The following TRIO variants were observed in gnomAD, a reference collection of about 807,000 sequenced individuals.
The protein encoded by TRIO is trio Rho guanine nucleotide exchange factor.
Under a neutral mutation model 351.9 loss-of-function variants are expected in TRIO, and 58 were observed. The observed-to-expected ratio is 0.16, with a 90% confidence interval of 0.13 to 0.21. The LOEUF is 0.21. Among genes scored for constraint, TRIO ranks in the 10% least tolerant of loss-of-function variants. The probability of loss-of-function intolerance (pLI) is 1.00; values close to 1 mark genes in which losing one functional copy is unlikely to be tolerated. For synonymous variants in TRIO, 1,758 were observed against 1,595.7 expected (o/e 1.10, Z -2.42); for missense variants, 3,201 against 4,027.8 (o/e 0.79, Z 5.56).
rs199909638 is a variant in TRIO, at chr5:14,336,700, A to G, written c.2019A>G (p.Ser673=). ...VEQRKILLDM[S]VSFHTHVKEL... is the part of the protein sequence containing the mutation. ...AGCGAAAGATCCTACTGGACATGTC[A>G]GTGTCCTTTCACACCCATGTGAAAG... The change falls in exon 11 of 57, where the codon TCA becomes TCG. Residue 673 remains serine, a synonymous_variant. Coordinates refer to ENST00000344204, the MANE Select transcript of TRIO (RefSeq NM_007118.4). 3 of 1,614,112 alleles carry G rather than the reference A, an allele frequency of 1.9e-6. No individual in the cohort carries two copies. Among genetic ancestry groups the G allele is most frequent in the Admixed American group, 3.3e-5 (2 of 60,014 alleles).
At chr5:14,349,039 C>T (rs1283011061) in intron 11 of TRIO, among the ~76,000 whole-genome samples, 1 of 150,066 alleles carries the variant, frequency 6.7e-6, no homozygotes, top group African/African-American at 2.5e-5. Flanking sequence ...TGTGTACGCA[C>T]GTGAGCATGT....
intron 34 of TRIO, 156 bp downstream of exon 34, chr5:14,420,177 T>A (rs1749999571): frequency 1.8e-6 from 2 of 1,119,046 alleles, no homozygotes; most frequent in Non-Finnish European, 1.3e-6. Context: ...TTCCAGTCCA[T>A]CAGCACCTGA....
rs1736431704 is a variant in TRIO at position 14,286,193 on chromosome 5, CCACATAAAGGCT to C, written c.348-677_348-666del. ...CAGCAGTGTTAAGCCAGCGTTGCTA[CCACATAAAGGCT>C]TAGTACAGTTGTGGAACTAGATTAA... On this transcript the variant is annotated intron_variant, in intron 3 of 56. Coordinates refer to ENST00000344204, the MANE Select transcript of TRIO (RefSeq NM_007118.4). This position sits in a 1 kb window ranked among gnomAD's most constrained non-coding sequence, Gnocchi z 4.4. Among the ~76,000 whole-genome samples the C allele has an allele frequency of 2.0e-5, 3 of 152,004 alleles. No homozygotes were observed. The highest frequency in any genetic ancestry group is 7.3e-5 in the African/African-American group (3 of 41,362).
At chr5:14,323,403 A>G (rs929198003) in intron 9 of TRIO, among the ~76,000 whole-genome samples, 2 of 152,170 alleles carry the variant, frequency 1.3e-5, no homozygotes, top group Non-Finnish European at 2.9e-5. Flanking sequence ...AGCAAAGAGT[A>G]AAATCAACGT....
intron 34 of TRIO, among the ~76,000 whole-genome samples, chr5:14,447,197 A>C (rs180989759): frequency 6.6e-6 from 1 of 152,272 alleles, no homozygotes; most frequent in Non-Finnish European, 1.5e-5. Flanking sequence ...AAGCCACTGC[A>C]CTCCAGCCTG....
At chr5:14,378,714 C>G (rs991151808) in intron 20 of TRIO, among the ~76,000 whole-genome samples, 2 of 152,074 alleles carry the variant, frequency 1.3e-5, no homozygotes, top group African/African-American at 4.8e-5. Flanking sequence ...CGTCCACCAC[C>G]ACGCCTGGGT....
At chr5:14,161,505 C>T (rs1788457725) in intron 1 of TRIO, among the ~76,000 whole-genome samples, 1 of 152,160 alleles carries the variant, frequency 6.6e-6, no homozygotes, top group Admixed American at 6.5e-5. Context: ...ATTGTTCCTT[C>T]ACTCGTGAGT....
Position 14,472,596 on chromosome 5 carries a change from G to GT in TRIO, c.5921dup (p.Leu1974PhefsTer10). ...AACAATATTTTTTCTCTCCAGCTAC[G>GT]TTTTGCAAGAACTAGTGGAGACAGA... On this transcript the variant is annotated frameshift_variant, in exon 39 of 57. Transcript: ENST00000344204. LOFTEE classifies it high-confidence loss of function. The GT allele has an allele frequency of 6.2e-7, 1 of 1,614,040 alleles. No individual in the cohort carries two copies. Among genetic ancestry groups the GT allele is most frequent in the East Asian group, 2.2e-5 (1 of 44,880 alleles).
intron 42 of TRIO, 83 bp downstream of exon 42, chr5:14,479,433 C>A: frequency 8.0e-7 from 1 of 1,247,398 alleles, no homozygotes; most frequent in Non-Finnish European, 1.1e-6. Context: ...CATTGGTTTC[C>A]CAGGAGACTA....
intron 1 of TRIO, among the ~76,000 whole-genome samples, chr5:14,207,558 G>GAGAGA (rs1791621141): frequency 1.3e-5 from 1 of 74,658 alleles, no homozygotes; most frequent in Non-Finnish European, 2.9e-5. Context: ...ACACACACAC[G>GAGAGA]GAGCCAGGTG....
chr5:14,217,376 C>T (rs558584796), intron 1 of TRIO, among the ~76,000 whole-genome samples: 1 of 152,262 alleles, frequency 6.6e-6, no homozygotes, highest in African/African-American at 2.4e-5. Flanking sequence ...CCCTTTCTTG[C>T]CCTCAGTCCT....
intron 1 of TRIO, among the ~76,000 whole-genome samples, chr5:14,218,302 A>C (rs1490650319): frequency 1.3e-5 from 2 of 152,220 alleles, no homozygotes; most frequent in Non-Finnish European, 2.9e-5. Context: ...GTGAGTGTCT[A>C]ATGATTGCTA....
intron 1 of TRIO, among the ~76,000 whole-genome samples, chr5:14,225,535 C>G (rs1332562449): frequency 6.6e-6 from 1 of 152,110 alleles, no homozygotes; most frequent in African/African-American, 2.4e-5. Context: ...ACTGAGGTCC[C>G]AGGGTTCTTG....
intron 54 of TRIO, among the ~76,000 whole-genome samples, chr5:14,503,215 T>C (rs938881736): frequency 3.3e-5 from 5 of 152,348 alleles, no homozygotes; most frequent in African/African-American, 1.2e-4. Flanking sequence ...TTGTGTCCCA[T>C]GTGGCAGGAA....
intron 1 of TRIO, among the ~76,000 whole-genome samples, chr5:14,162,472 A>G (rs1561150666): frequency 6.6e-6 from 1 of 152,238 alleles, no homozygotes; most frequent in Non-Finnish European, 1.5e-5. Flanking sequence ...TTTACCTATA[A>G]AAATGGCAGA....
At chr5:14,162,537 G>A (rs11954063) in intron 1 of TRIO, among the ~76,000 whole-genome samples, 37,396 of 152,086 alleles carry the variant, frequency 0.25, 4,783 homozygotes, top group Middle Eastern at 0.3. Flanking sequence ...TACACAGTGT[G>A]GTATGTGAAA....
chr5:14,367,323 C>A (rs530963719), intron 16 of TRIO, among the ~76,000 whole-genome samples: 3 of 152,308 alleles, frequency 2.0e-5, no homozygotes, highest in South Asian at 2.1e-4. Flanking sequence ...GAGGAGCCCA[C>A]GTTGCAGTCT....
chr5:14,151,206 G>A (rs959914173), intron 1 of TRIO, among the ~76,000 whole-genome samples: 3 of 152,064 alleles, frequency 2.0e-5, no homozygotes, highest in Admixed American at 6.5e-5. Context: ...CCTATTTCAC[G>A]GTATTGACAA....
rs778924914 is a variant in TRIO, at chr5:14,405,985, A to G, written c.4854A>G (p.Gly1618=). 6.2e-7 allele frequency: 1 copy of G among 1,613,252 alleles called. No homozygotes were observed. The highest frequency in any genetic ancestry group is 8.5e-7 in the Non-Finnish European group (1 of 1,179,750). ...CCGCTCCCGCCACAAGACAGAAGGG[A>G]AGGAGGTGCGTGTCTGGGCGCCACT... ...PKTAPATRQK[G]RRDGEDLDSQ... is the part of the protein sequence containing the mutation. Residue 1618 remains glycine (G), a synonymous_variant, in exon 32 of 57, where the codon GGA becomes GGG. Transcript: ENST00000344204.
Sources: allele counts gnomAD v4.1 joint callset (sites outside exome capture counted in the v4.1 genomes callset), GRCh38; gene constraint gnomAD v4.1.1; non-coding constraint Gnocchi (gnomAD v3.1); transcripts MANE v1.5; gene names NCBI Gene and HGNC (gene_info 2026-07-23, HGNC 2026-07-21).